Variants in WNK1 observed in about 807,000 individuals in gnomAD.
The protein encoded by WNK1 is WNK lysine deficient protein kinase 1.
WNK1 carries 38 observed loss-of-function variants against 222.8 expected under a neutral mutation model. The observed-to-expected ratio is 0.17, with a 90% confidence interval of 0.13 to 0.22. WNK1 has a LOEUF of 0.22. WNK1 is among the 10% of genes least tolerant of loss of function. The pLI is 1.00. For missense variants in WNK1, 2,348 were observed against 2,918.4 expected, an observed-to-expected ratio of 0.80 and a Z score of 4.50; for synonymous variants, 1,090 against 1,092.9, an observed-to-expected ratio of 1.00 and a Z score of 0.05.
chr12:896,038 C>A, intron 23 of WNK1, 33 bp from the exon 24 acceptor site: 1 of 1,613,934 alleles, frequency 6.2e-7, no homozygotes, highest in Non-Finnish European at 8.5e-7. Context: ...ATATTGAGAA[C>A]TTAAGTTTTT....
At chr12:897,047 A>G (rs554467964) in intron 24 of WNK1, among the ~76,000 whole-genome samples, 10 of 151,988 alleles carry the variant, frequency 6.6e-5, no homozygotes, top group Admixed American at 6.6e-4. Context: ...TTATTACTGT[A>G]TTATTGTTAC....
At chr12:807,913 G>A (rs1020222939) in intron 1 of WNK1, among the ~76,000 whole-genome samples, 2 of 151,804 alleles carry the variant, frequency 1.3e-5, no homozygotes, top group East Asian at 1.9e-4. Flanking sequence ...TAGAGACGGG[G>A]TTTCACCGTG....
At chr12:785,002 A>G (rs183963198) in intron 1 of WNK1, among the ~76,000 whole-genome samples, 4 of 152,224 alleles carry the variant, frequency 2.6e-5, no homozygotes, top group Admixed American at 2.6e-4. Flanking sequence ...TTCCTCTTTA[A>G]TAGGTAGTTC....
chr12:872,369 G>A (rs1229829979), intron 9 of WNK1, among the ~76,000 whole-genome samples: 1 of 152,054 alleles, frequency 6.6e-6, no homozygotes, highest in Non-Finnish European at 1.5e-5. Flanking sequence ...GGCTGGTCTT[G>A]AACTCCTGAC....
At chr12:881,456 G>A (rs1953152020) in intron 12 of WNK1, 2 of 551,508 alleles carry the variant, frequency 3.6e-6, no homozygotes, top group Non-Finnish European at 6.5e-6. Context: ...ACACTGCCTA[G>A]CAGATATGTT....
chr12:858,518 T>C (rs1467082298), intron 5 of WNK1, among the ~76,000 whole-genome samples: 1 of 152,142 alleles, frequency 6.6e-6, no homozygotes, highest in Non-Finnish European at 1.5e-5. Flanking sequence ...AGCAGTTTAT[T>C]AGATGATTGG....
At chr12:840,777 G>A (rs1329592924) in intron 4 of WNK1, among the ~76,000 whole-genome samples, 1 of 152,226 alleles carries the variant, frequency 6.6e-6, no homozygotes, top group African/African-American at 2.4e-5. Flanking sequence ...TAGTGGTGAT[G>A]TTCTTCTATA....
At position 885,032 on chromosome 12, in the gene WNK1, T is replaced by G; in HGVS notation, c.4228T>G (p.Ser1410Ala). Residue 1410 changes from serine to alanine, a missense_variant, in exon 19 of 28, where the codon TCC (serine) becomes GCC (alanine). Around this residue, in one of 13 missense-constraint regions of WNK1, gnomAD observed 1,144 missense variants for 1,273.6 expected, o/e 0.90. Coordinates refer to ENST00000315939, the MANE Select transcript of WNK1 (RefSeq NM_018979.4). Reference sequence around the variant, plus strand: ...ACCTGTGTCTGAATCACCAGTACTTTCCAGCGTAGTTTCAAGTATCACAAT... The same window carrying G: ...ACCTGTGTCTGAATCACCAGTACTTGCCAGCGTAGTTTCAAGTATCACAAT... ...IPPVSESPVL[S>A]SVVSSITIPA... 1 of 1,614,206 alleles carries G rather than the reference T, an allele frequency of 6.2e-7. No homozygotes were observed. Among genetic ancestry groups the G allele is most frequent in the Non-Finnish European group, 8.5e-7 (1 of 1,180,038 alleles).
chr12:824,216 C>CT (rs1207566592), intron 2 of WNK1, among the ~76,000 whole-genome samples: 15,023 of 126,050 alleles, frequency 0.12, 1,139 homozygotes, highest in Middle Eastern at 0.19. Flanking sequence ...GCAGAGACAT[C>CT]TTTTTTTTTT....
At chr12:770,473 T>C (rs1016175346) in intron 1 of WNK1, among the ~76,000 whole-genome samples, 1 of 152,230 alleles carries the variant, frequency 6.6e-6, no homozygotes, top group Admixed American at 6.5e-5. Context: ...ATTAATCTGT[T>C]TCTTTTTACA....
chr12:851,409 G>T (rs993448067), intron 4 of WNK1: 1 of 1,082,902 alleles, frequency 9.2e-7, no homozygotes, highest in African/African-American at 1.6e-5. Context: ...ATCCCATTTT[G>T]CTTGTCTAGG....
chr12:874,727 G>A (rs1274718332), intron 9 of WNK1, among the ~76,000 whole-genome samples: 1 of 152,060 alleles, frequency 6.6e-6, no homozygotes, highest in African/African-American at 2.4e-5. Flanking sequence ...AACCCTATAA[G>A]TATAGATGCT....
intron 1 of WNK1, among the ~76,000 whole-genome samples, chr12:755,998 C>A (rs12368423): frequency 0.11 from 17,144 of 152,144 alleles, 1,223 homozygotes; most frequent in Middle Eastern, 0.16. Context: ...ACAACAACAA[C>A]AAAAAAACTT....
chr12:818,823 A>G (rs373327459), intron 2 of WNK1, among the ~76,000 whole-genome samples: 4 of 152,372 alleles, frequency 2.6e-5, no homozygotes, highest in South Asian at 2.1e-4. Flanking sequence ...TTATGACTGA[A>G]TAACATTCCA....
At chr12:875,461 A>G (rs1224490610) in intron 9 of WNK1, among the ~76,000 whole-genome samples, 1 of 152,256 alleles carries the variant, frequency 6.6e-6, no homozygotes, top group Non-Finnish European at 1.5e-5. Context: ...ATGTTCATTG[A>G]GAACATCAGA....
chr12:907,661 T>C, intron 26 of WNK1, 186 bp from the exon 27 acceptor site: 1 of 727,882 alleles, frequency 1.4e-6, no homozygotes, highest in Middle Eastern at 3.9e-4. Context: ...AGAAACTGTT[T>C]TCATCACCCT....
intron 3 of WNK1, among the ~76,000 whole-genome samples, chr12:829,125 T>C (rs571611545): frequency 6.6e-6 from 1 of 152,352 alleles, no homozygotes; most frequent in Admixed American, 6.5e-5. Flanking sequence ...TTTTATTTTC[T>C]TTGTTGATTA....
intron 1 of WNK1, among the ~76,000 whole-genome samples, chr12:807,195 AT>A (rs1224386814): frequency 6.6e-6 from 1 of 152,058 alleles, no homozygotes; most frequent in Non-Finnish European, 1.5e-5. Context: ...GTGGTGGTTA[AT>A]GCCTGTAATC....
intron 1 of WNK1, among the ~76,000 whole-genome samples, chr12:805,300 G>A (rs1007917301): frequency 6.6e-6 from 1 of 152,012 alleles, no homozygotes; most frequent in African/African-American, 2.4e-5. Context: ...CTTCCCTACT[G>A]GCCCTTTTTT....
Sources: gnomAD v4.1 joint callset for allele counts (sites outside exome capture counted in the v4.1 genomes callset) on GRCh38, gnomAD v4.1.1 for gene constraint, gnomAD v4.1.1 regional missense constraint, MANE v1.5 for transcripts, NCBI Gene and HGNC (gene_info 2026-07-23, HGNC 2026-07-21) for gene names.